Variants in ATRNL1 observed in about 807,000 individuals in gnomAD.
ATRNL1 encodes the protein attractin-like protein 1.
Under a neutral mutation model 182.7 loss-of-function variants are expected in ATRNL1, and 95 were observed. The ratio of observed to expected loss-of-function variants is 0.52; its 90% CI spans 0.44 to 0.62. The LOEUF (loss-of-function observed/expected upper bound fraction) is 0.62. Among genes scored for constraint, ATRNL1 ranks in the 20% least tolerant of loss-of-function variants. The pLI is 0.00. For synonymous variants in ATRNL1, 576 were observed against 568.3 expected, an observed-to-expected ratio of 1.01 and a Z score of -0.19; for missense variants, 1,471 against 1,679.5, an observed-to-expected ratio of 0.88 and a Z score of 2.17.
chr10:115,273,607 A>C (rs529677550), intron 13 of ATRNL1, among the ~76,000 whole-genome samples: 1 of 152,348 alleles, frequency 6.6e-6, no homozygotes, highest in Non-Finnish European at 1.5e-5. Context: ...ATTTCCTTTC[A>C]CTACTGTACT....
At chr10:115,421,633 T>C (rs2134377670) in intron 20 of ATRNL1, among the ~76,000 whole-genome samples, 1 of 152,136 alleles carries the variant, frequency 6.6e-6, no homozygotes, top group East Asian at 1.9e-4. Flanking sequence ...CTGAAGCAAA[T>C]GCCATAGTAT....
intron 26 of ATRNL1, among the ~76,000 whole-genome samples, chr10:115,691,381 G>A (rs782680288): frequency 6.6e-6 from 1 of 152,126 alleles, no homozygotes; most frequent in Admixed American, 6.5e-5. Context: ...CTAAAGTTGA[G>A]CACCTTTTCA....
chr10:115,809,893 A>C (rs1950009327), intron 27 of ATRNL1, among the ~76,000 whole-genome samples: 1 of 151,982 alleles, frequency 6.6e-6, no homozygotes, highest in African/African-American at 2.4e-5. Context: ...GGAAACATTC[A>C]GTCTTTTACC....
intron 17 of ATRNL1, among the ~76,000 whole-genome samples, chr10:115,303,229 T>G (rs34708142): frequency 1.2e-3 from 111 of 93,174 alleles, no homozygotes; most frequent in South Asian, 3.4e-3. Context: ...AGGTTTTTTT[T>G]TTTTTTTTTT....
intron 24 of ATRNL1, among the ~76,000 whole-genome samples, chr10:115,508,854 C>G (rs551426507): frequency 9.2e-5 from 14 of 152,134 alleles, no homozygotes; most frequent in Admixed American, 2.6e-4. Context: ...TTAATTGATG[C>G]AGTAGCTACA....
intron 27 of ATRNL1, among the ~76,000 whole-genome samples, chr10:115,774,800 A>T (rs1192787003): frequency 2.6e-5 from 4 of 151,722 alleles, no homozygotes; most frequent in Non-Finnish European, 5.9e-5. Context: ...TTTTTTCAAG[A>T]TTAGCTAGCA....
At chr10:115,850,033 CTTTG>C (rs1951018440) in intron 28 of ATRNL1, among the ~76,000 whole-genome samples, 1 of 152,096 alleles carries the variant, frequency 6.6e-6, no homozygotes, top group South Asian at 2.1e-4. Flanking sequence ...TGAGCTTGTT[CTTTG>C]TTTTCTAAAA....
chr10:115,171,167 A>T lies in ATRNL1; in HGVS notation c.1223A>T (p.Gln408Leu). Residue 408 changes from glutamine (Q) to leucine (L), a missense_variant, in exon 8 of 29, where the codon CAG (glutamine) becomes CTG (leucine). Around this residue, in one of 3 missense-constraint regions of ATRNL1, gnomAD observed 1,031 missense variants for 1,156.0 expected, o/e 0.89. Transcript: ENST00000355044. ...KTPTVLGHGQQYAVEGHSAHI... is the reference protein window; with the variant it reads ...KTPTVLGHGQLYAVEGHSAHI... ...CCTACTGTTCTTGGACATGGTCAGC[A>T]GTATGCTGTGGAGGGACATTCAGCA... 4 of 1,611,788 alleles carry T rather than the reference A, an allele frequency of 2.5e-6. No individual in the cohort carries two copies. Among genetic ancestry groups the T allele is most frequent in the Non-Finnish European group, 3.4e-6 (4 of 1,178,426 alleles).
At chr10:115,238,940 AT>A (rs2133812987) in intron 9 of ATRNL1, among the ~76,000 whole-genome samples, 1 of 152,158 alleles carries the variant, frequency 6.6e-6, no homozygotes, top group East Asian at 1.9e-4. Flanking sequence ...TCATGACTGA[AT>A]GTTGGATTTT....
chr10:115,157,512 G>A (rs1390752729), intron 5 of ATRNL1, among the ~76,000 whole-genome samples: 3 of 151,850 alleles, frequency 2.0e-5, no homozygotes, highest in African/African-American at 7.3e-5. Flanking sequence ...TATAGATTGG[G>A]CTACAGACCT....
chr10:115,305,176 A>G (rs370650442), intron 17 of ATRNL1, among the ~76,000 whole-genome samples: 7 of 151,964 alleles, frequency 4.6e-5, no homozygotes, highest in African/African-American at 1.4e-4. Flanking sequence ...GCATAAGGCA[A>G]TGCACGTAGA....
At chr10:115,379,485 A>G (rs1343097029) in intron 19 of ATRNL1, among the ~76,000 whole-genome samples, 1 of 152,198 alleles carries the variant, frequency 6.6e-6, no homozygotes, top group African/African-American at 2.4e-5. Flanking sequence ...AAGCATAACT[A>G]GTATCCAGTT....
chr10:115,557,700 C>T (rs1276334856), intron 26 of ATRNL1, among the ~76,000 whole-genome samples: 2 of 152,036 alleles, frequency 1.3e-5, no homozygotes, highest in African/African-American at 4.8e-5. Context: ...AAGAGGATCC[C>T]CTGAGACCTA....
intron 27 of ATRNL1, among the ~76,000 whole-genome samples, chr10:115,811,327 G>T (rs1418074898): frequency 6.6e-6 from 1 of 151,864 alleles, no homozygotes. Context: ...TTTGGTCAGA[G>T]AATATTACTC....
At chr10:115,274,166 T>G (rs1216556201) in intron 13 of ATRNL1, among the ~76,000 whole-genome samples, 1 of 152,184 alleles carries the variant, frequency 6.6e-6, no homozygotes, top group African/African-American at 2.4e-5. Flanking sequence ...GCCACTGATA[T>G]TTCACGTACC....
chr10:115,683,645 A>C (rs920847034), intron 26 of ATRNL1, among the ~76,000 whole-genome samples: 31 of 151,326 alleles, frequency 2.0e-4, no homozygotes, highest in African/African-American at 7.0e-4. Context: ...ATAAAAATAC[A>C]TGACTAAGGT....
intron 26 of ATRNL1, among the ~76,000 whole-genome samples, chr10:115,641,173 A>G (rs1038611809): frequency 3.3e-5 from 5 of 152,220 alleles, no homozygotes; most frequent in African/African-American, 1.2e-4. Context: ...CTATTGAAGA[A>G]ACAGCAAAAC....
chr10:115,708,697 G>A (rs1168886463), intron 26 of ATRNL1, among the ~76,000 whole-genome samples: 1 of 151,668 alleles, frequency 6.6e-6, no homozygotes, highest in African/African-American at 2.4e-5. Context: ...GCAGTATACA[G>A]TAAATTATCA....
At chr10:115,821,079 T>C (rs1047107263) in intron 27 of ATRNL1, among the ~76,000 whole-genome samples, 5 of 152,098 alleles carry the variant, frequency 3.3e-5, no homozygotes, top group African/African-American at 7.2e-5. Flanking sequence ...CCTTCCACCA[T>C]GATTATAAAT....
Sources: gnomAD v4.1 joint callset for allele counts (sites outside exome capture counted in the v4.1 genomes callset) on GRCh38, gnomAD v4.1.1 for gene constraint, gnomAD v4.1.1 regional missense constraint, MANE v1.5 for transcripts, NCBI Gene and HGNC (gene_info 2026-07-23, HGNC 2026-07-21) for gene names.